The following TYR variants were observed in gnomAD, a reference collection of about 807,000 sequenced individuals.
TYR encodes LB24-AB.
Under a neutral mutation model 51.5 loss-of-function variants are expected in TYR, and 58 were observed. The observed-to-expected ratio is 1.13, with a 90% confidence interval of 0.91 to 1.40. The LOEUF (loss-of-function observed/expected upper bound fraction) is 1.40, where lower values mean the gene tolerates loss of function less well. TYR is among the 40% of genes most tolerant of loss of function. TYR has a pLI of 0.00. For synonymous variants in TYR, 263 were observed against 235.2 expected (o/e 1.12, Z -1.08); for missense variants, 732 against 647.4 (o/e 1.13, Z -1.42).
intron 3 of TYR, among the ~76,000 whole-genome samples, chr11:89,272,327 T>A (rs758191808): frequency 5.8e-4 from 88 of 151,864 alleles, no homozygotes; most frequent in Middle Eastern, 3.2e-3. Context: ...AATATTCATC[T>A]CCTTGTGTAT....
At chr11:89,290,961 C>T (rs1944846937) in intron 4 of TYR, among the ~76,000 whole-genome samples, 2 of 152,020 alleles carry the variant, frequency 1.3e-5, no homozygotes, top group South Asian at 4.1e-4. Flanking sequence ...TCAGTACGGA[C>T]TTCCTCATTT....
Position 89,184,802 on chromosome 11 carries a change from C to T in TYR, c.819+6030C>T, listed in dbSNP as rs185521606. On this transcript the variant is annotated intron_variant, in intron 1 of 4. Transcript: ENST00000263321. ...ATTGAAGTTGCATCTACCTGTATTACGGAGCCCAATTTTTTCTCTACCACA... is the reference window on the plus strand; with the variant it reads ...ATTGAAGTTGCATCTACCTGTATTATGGAGCCCAATTTTTTCTCTACCACA... 9.1e-4 allele frequency among the ~76,000 whole-genome samples: 138 copies of T among 152,196 alleles called. No individual in the cohort carries two copies. In the East Asian group the frequency reaches 0.022, roughly 25 times the overall value.
intron 3 of TYR, among the ~76,000 whole-genome samples, chr11:89,250,333 G>A (rs1390481522): frequency 6.6e-6 from 1 of 151,804 alleles, no homozygotes; most frequent in Admixed American, 6.6e-5. Flanking sequence ...GGCAAAGAAA[G>A]ATTAAATAAT....
rs190568711 is a variant in TYR at position 89,205,249 on chromosome 11, A to C, written c.1036+13831A>C. On this transcript the variant is annotated intron_variant, in intron 2 of 4. Coordinates refer to ENST00000263321, the MANE Select transcript of TYR (RefSeq NM_000372.5). Reference sequence around the variant, plus strand: ...AAACACACTGGAAAAAAAATTAAAAAGGCTCAAAGAGTTGAATAACTACAT... The same window carrying C: ...AAACACACTGGAAAAAAAATTAAAACGGCTCAAAGAGTTGAATAACTACAT... 5.0e-3 allele frequency among the ~76,000 whole-genome samples: 760 copies of C among 152,268 alleles called. 4 individuals are homozygous for C. The highest frequency in any genetic ancestry group is 0.017 in the African/African-American group (716 of 41,564).
At chr11:89,237,526 G>A (rs1944133278) in intron 3 of TYR, among the ~76,000 whole-genome samples, 1 of 152,110 alleles carries the variant, frequency 6.6e-6, no homozygotes, top group Admixed American at 6.6e-5. Context: ...TTTCTGGGAT[G>A]TCTATTCTTT....
At chr11:89,216,940 G>A (rs1264884406) in intron 2 of TYR, among the ~76,000 whole-genome samples, 2 of 152,114 alleles carry the variant, frequency 1.3e-5, no homozygotes, top group Non-Finnish European at 2.9e-5. Context: ...TAAACTGGAA[G>A]ATGTTATCTC....
intron 3 of TYR, among the ~76,000 whole-genome samples, chr11:89,234,251 G>C (rs936119747): frequency 7.0e-6 from 1 of 143,286 alleles, no homozygotes; most frequent in Non-Finnish European, 1.5e-5. Flanking sequence ...TCACCTCTTT[G>C]ACCCTCCATA....
At chr11:89,244,295 A>T (rs1215185046) in intron 3 of TYR, among the ~76,000 whole-genome samples, 1 of 151,742 alleles carries the variant, frequency 6.6e-6, no homozygotes, top group Non-Finnish European at 1.5e-5. Context: ...GATTGATTCA[A>T]TAAAGAGATC....
chr11:89,276,560 T>C (rs1944656975), intron 3 of TYR, among the ~76,000 whole-genome samples: 1 of 151,790 alleles, frequency 6.6e-6, no homozygotes, highest in South Asian at 2.1e-4. Flanking sequence ...CTTATGCTAA[T>C]ACATATCCTT....
intron 3 of TYR, among the ~76,000 whole-genome samples, chr11:89,251,406 T>C (rs1944329287): frequency 6.6e-6 from 1 of 151,874 alleles, no homozygotes; most frequent in Non-Finnish European, 1.5e-5. Context: ...ATAACATGCA[T>C]GGACAATACA....
intron 1 of TYR, among the ~76,000 whole-genome samples, chr11:89,187,784 A>T (rs773060191): frequency 6.6e-6 from 1 of 152,072 alleles, no homozygotes; most frequent in African/African-American, 2.4e-5. Context: ...CAAAGTTTTC[A>T]AATGTCTTTG....
intron 2 of TYR, among the ~76,000 whole-genome samples, chr11:89,220,919 TAGAGA>T (rs1591164168): frequency 6.6e-6 from 1 of 152,236 alleles, no homozygotes; most frequent in South Asian, 2.1e-4. Flanking sequence ...AATTAAGTAG[TAGAGA>T]AGAGAAAACA....
intron 3 of TYR, among the ~76,000 whole-genome samples, chr11:89,254,281 GT>G (rs1480965101): frequency 4.0e-5 from 6 of 151,482 alleles, no homozygotes. Flanking sequence ...TTGGTCTGTA[GT>G]TTTTTGTTGT....
At chr11:89,232,967 T>G (rs546205934) in intron 3 of TYR, among the ~76,000 whole-genome samples, 1 of 142,856 alleles carries the variant, frequency 7.0e-6, no homozygotes, top group Admixed American at 6.9e-5. Flanking sequence ...TTTTTTAAAA[T>G]AAGACAAAAA....
chr11:89,231,063 C>T (rs927289177), intron 3 of TYR, among the ~76,000 whole-genome samples: 8 of 148,918 alleles, frequency 5.4e-5, no homozygotes, highest in African/African-American at 1.5e-4. Flanking sequence ...CCCAGCTACT[C>T]GGGAGGCTGA....
At position 89,229,720 on chromosome 11, in the gene TYR, C is replaced by A. The variant is rs146852575; in HGVS notation, c.1184+1750C>A. ...ACTTGCAAGATACAAATGCAACATA[C>A]AAAAAATTAGTAGTGTTTCTGTACA... On this transcript the variant is annotated intron_variant, in intron 3 of 4. Transcript: ENST00000263321. 3.9e-5 allele frequency among the ~76,000 whole-genome samples: 6 copies of A among 151,936 alleles called. No individual in the cohort carries two copies. The East Asian group carries it at 1.2e-3, about 29-fold the overall frequency.
At chr11:89,195,328 T>C (rs186479689) in intron 2 of TYR, among the ~76,000 whole-genome samples, 1 of 152,306 alleles carries the variant, frequency 6.6e-6, no homozygotes, top group Admixed American at 6.5e-5. Flanking sequence ...AAACTCAGCT[T>C]TCCTCTTAGA....
chr11:89,192,745 C>T (rs1275743366), intron 2 of TYR, among the ~76,000 whole-genome samples: 1 of 152,144 alleles, frequency 6.6e-6, no homozygotes. Flanking sequence ...AAAGTAATCA[C>T]CGTATCCAAA....
chr11:89,187,702 C>A (rs1220920871), intron 1 of TYR, among the ~76,000 whole-genome samples: 1 of 152,038 alleles, frequency 6.6e-6, no homozygotes, highest in Non-Finnish European at 1.5e-5. Flanking sequence ...CCTGTTTTCT[C>A]ATTGATGAGA....
Sources: gnomAD v4.1 joint callset for allele counts (sites outside exome capture counted in the v4.1 genomes callset) on GRCh38, gnomAD v4.1.1 for gene constraint, MANE v1.5 for transcripts, NCBI Gene and HGNC (gene_info 2026-07-23, HGNC 2026-07-21) for gene names.